Variants in IPCEF1 observed in about 807,000 individuals in gnomAD.
IPCEF1 encodes interactor protein for cytohesin exchange factors 1.
In IPCEF1, 31 loss-of-function variants were observed where a neutral mutation model predicts 50.9. The observed-to-expected ratio is 0.61, with a 90% CI of 0.46 to 0.82. The LOEUF is 0.82. Ranked by LOEUF, IPCEF1 falls within the 40% of genes least tolerant of loss-of-function variation. The pLI is 0.00. For missense variants in IPCEF1, 458 were observed against 514.0 expected (o/e 0.89, Z 1.05); for synonymous variants, 181 against 192.0 (o/e 0.94, Z 0.47).
intron 10 of IPCEF1, among the ~76,000 whole-genome samples, chr6:154,175,560 T>C (rs1397491440): frequency 6.6e-6 from 1 of 151,842 alleles, no homozygotes; most frequent in African/African-American, 2.4e-5. Flanking sequence ...ACAAATAAAC[T>C]AGAAAATCTA....
chr6:154,302,361 A>G (rs1372960513), intron 1 of IPCEF1, among the ~76,000 whole-genome samples: 2 of 152,206 alleles, frequency 1.3e-5, no homozygotes, highest in Non-Finnish European at 2.9e-5. Flanking sequence ...ATTTAGTTGT[A>G]ACCACATGAT....
chr6:154,273,662 GAGAAAGT>G (rs1781954024), intron 2 of IPCEF1, among the ~76,000 whole-genome samples: 1 of 147,912 alleles, frequency 6.8e-6, no homozygotes, highest in Non-Finnish European at 1.5e-5. Context: ...CTTTATGAAG[GAGAAAGT>G]AGCTTCATCC....
chr6:154,239,205 G>T (rs933620925), intron 5 of IPCEF1, among the ~76,000 whole-genome samples: 1 of 152,048 alleles, frequency 6.6e-6, no homozygotes, highest in African/African-American at 2.4e-5. Flanking sequence ...AAATAATATT[G>T]GCAACATGAG....
rs900504803 is a variant in IPCEF1, at chr6:154,178,338, A to G, written c.911-10225T>C. Among the ~76,000 whole-genome samples, 6 of 152,196 alleles carry G rather than the reference A, an allele frequency of 3.9e-5. No individual in the cohort carries two copies. In the East Asian group the frequency reaches 1.2e-3, roughly 29 times the overall value. Reference sequence around the variant, plus strand: ...ACATATCTGATTCAATAGATATTAAATCAGTAAAGATAAAAATAACTTTAG... The same window carrying G: ...ACATATCTGATTCAATAGATATTAAGTCAGTAAAGATAAAAATAACTTTAG... On this transcript the variant is annotated intron_variant, in intron 10 of 11. Transcript: ENST00000367220.
intron 9 of IPCEF1, among the ~76,000 whole-genome samples, chr6:154,202,031 C>T (rs1219020884): frequency 6.6e-6 from 1 of 152,222 alleles, no homozygotes; most frequent in Non-Finnish European, 1.5e-5. Flanking sequence ...TGACCTTCTT[C>T]CAAATCAATA....
At chr6:154,297,076 C>A (rs1170507916) in intron 1 of IPCEF1, among the ~76,000 whole-genome samples, 1 of 151,758 alleles carries the variant, frequency 6.6e-6, no homozygotes, top group African/African-American at 2.4e-5. Context: ...TAAATAGGGT[C>A]TCACTCTGTC....
chr6:154,229,094 G>A (rs896353632), intron 5 of IPCEF1, among the ~76,000 whole-genome samples: 14 of 152,178 alleles, frequency 9.2e-5, no homozygotes, highest in African/African-American at 3.1e-4. Context: ...TCCAGCCCCA[G>A]GGGCGGCCCT....
intron 1 of IPCEF1, among the ~76,000 whole-genome samples, chr6:154,337,707 T>C (rs1385538096): frequency 6.6e-6 from 1 of 152,126 alleles, no homozygotes; most frequent in Non-Finnish European, 1.5e-5. Flanking sequence ...GGAAGAAAAG[T>C]GTTAAGAAAC....
chr6:154,172,347 TG>T, intron 10 of IPCEF1, among the ~76,000 whole-genome samples: 1 of 152,296 alleles, frequency 6.6e-6, no homozygotes, highest in Admixed American at 6.5e-5. Flanking sequence ...TCACCTCACC[TG>T]GGAAACACAA....
In IPCEF1 at chr6:154,198,615, C is replaced by T. The variant is rs549982137; in HGVS notation, c.910+1053G>A. Among the ~76,000 whole-genome samples the T allele has an allele frequency of 7.9e-5, 11 of 138,906 alleles. No individual in the cohort carries two copies. The East Asian group carries it at 1.9e-3, about 24-fold the overall frequency. 91.1% of individuals were successfully genotyped at this position (138,906 alleles called of 152,430 possible). ...CAGGCTGAGTAATGAAATTTACATA[C>T]TTTTAAAATATTACATACACACACA... is the stretch of plus-strand genomic sequence containing the variant. On this transcript the variant is annotated intron_variant, in intron 10 of 11. Transcript: ENST00000367220.
At chr6:154,247,687 C>CT in intron 3 of IPCEF1, 199 bp from the exon 4 acceptor site, 3 of 459,686 alleles carry the variant, frequency 6.5e-6, no homozygotes, top group Admixed American at 3.6e-5. Context: ...TGAGCTGAAC[C>CT]TGAAAAAAAA....
chr6:154,211,729 C>T (rs1203936034), intron 9 of IPCEF1, among the ~76,000 whole-genome samples: 1 of 152,154 alleles, frequency 6.6e-6, no homozygotes, highest in African/African-American at 2.4e-5. Context: ...GACATTTGTT[C>T]ACTTTTAATA....
chr6:154,249,713 A>T (rs1212099212), intron 3 of IPCEF1, among the ~76,000 whole-genome samples: 1 of 151,966 alleles, frequency 6.6e-6, no homozygotes, highest in Non-Finnish European at 1.5e-5. Context: ...AGTATCCTCC[A>T]CCCATTCCTT....
intron 1 of IPCEF1, among the ~76,000 whole-genome samples, chr6:154,295,858 T>G (rs1316740054): frequency 7.9e-6 from 1 of 126,414 alleles, no homozygotes. Flanking sequence ...GTCACACACA[T>G]GTGCACACGC....
At chr6:154,284,257 T>C (rs540045145) in intron 2 of IPCEF1, among the ~76,000 whole-genome samples, 2 of 152,332 alleles carry the variant, frequency 1.3e-5, no homozygotes, top group African/African-American at 4.8e-5. Flanking sequence ...AATTTTAAAA[T>C]ATTAAAATAA....
At chr6:154,316,375 C>T (rs1583981461) in intron 1 of IPCEF1, among the ~76,000 whole-genome samples, 1 of 152,048 alleles carries the variant, frequency 6.6e-6, no homozygotes, top group Admixed American at 6.6e-5. Flanking sequence ...TGCTGTGGTC[C>T]GGAACCAAAC....
At chr6:154,179,744 T>C (rs1033260813) in intron 10 of IPCEF1, among the ~76,000 whole-genome samples, 6 of 152,218 alleles carry the variant, frequency 3.9e-5, no homozygotes, top group African/African-American at 1.2e-4. Flanking sequence ...GGAAAAACAG[T>C]AAGTGATCTT....
rs1355370790 is a variant in IPCEF1 at position 154,210,820 on chromosome 6, AATAG to A, written c.537+1946_537+1949del. 2.6e-5 allele frequency among the ~76,000 whole-genome samples: 4 copies of A among 152,234 alleles called. 1 individual carries two copies. The highest frequency in any genetic ancestry group is 2.0e-4 in the Admixed American group (3 of 15,286). ...TGCTTAATTTTGGCTAATCATATTT[AATAG>A]ATAGTTTAATAAACATTTATTCAAC... On this transcript the variant is annotated intron_variant, in intron 9 of 11. Transcript: ENST00000367220.
intron 1 of IPCEF1, among the ~76,000 whole-genome samples, chr6:154,322,145 AT>A (rs139258582): frequency 0.028 from 4,200 of 152,264 alleles, 91 homozygotes; most frequent in Non-Finnish European, 0.042. Context: ...CTTCGAAAAC[AT>A]TTACGATTAA....
Sources: gnomAD v4.1 joint callset for allele counts (sites outside exome capture counted in the v4.1 genomes callset) on GRCh38, gnomAD v4.1.1 for gene constraint, MANE v1.5 for transcripts, NCBI Gene and HGNC (gene_info 2026-07-23, HGNC 2026-07-21) for gene names.